Variants in CNTN6 observed in about 807,000 individuals in gnomAD.
The protein encoded by CNTN6 is contactin 6.
A neutral mutation model predicts 122.8 loss-of-function variants in CNTN6; 137 were observed. The observed-to-expected ratio is 1.12, with a 90% CI of 0.97 to 1.29. The LOEUF is 1.29. Ranked by LOEUF, CNTN6 falls within the 50% of genes most tolerant of loss-of-function variation. The pLI is 0.00. For missense variants in CNTN6, 1,634 were observed against 1,223.4 expected (o/e 1.34, Z -5.01); for synonymous variants, 570 against 426.0 (o/e 1.34, Z -4.16).
intron 2 of CNTN6, among the ~76,000 whole-genome samples, chr3:1,152,443 A>C (rs1328725628): frequency 6.6e-6 from 1 of 152,020 alleles, no homozygotes; most frequent in Admixed American, 6.6e-5. Context: ...CCGGTCCAGA[A>C]ATATTTTATT....
intron 5 of CNTN6, among the ~76,000 whole-genome samples, chr3:1,290,066 C>T (rs994940222): frequency 6.6e-6 from 1 of 152,190 alleles, no homozygotes; most frequent in Non-Finnish European, 1.5e-5. Context: ...TGCAGATTTC[C>T]TGGCTCCTCC....
At chr3:1,339,296 C>G (rs1472750787) in intron 11 of CNTN6, among the ~76,000 whole-genome samples, 1 of 152,098 alleles carries the variant, frequency 6.6e-6, no homozygotes, top group African/African-American at 2.4e-5. Flanking sequence ...CCCTAGCTCT[C>G]CAAGGAGCAT....
intron 4 of CNTN6, among the ~76,000 whole-genome samples, chr3:1,273,713 C>G (rs1363740870): frequency 6.6e-6 from 1 of 152,166 alleles, no homozygotes; most frequent in African/African-American, 2.4e-5. Flanking sequence ...GTTTTGATAG[C>G]TAACAGGACT....
intron 4 of CNTN6, among the ~76,000 whole-genome samples, chr3:1,269,956 G>T (rs555580111): frequency 2.8e-4 from 43 of 152,258 alleles, no homozygotes; most frequent in African/African-American, 1.0e-3. Flanking sequence ...GACACCAGGA[G>T]CTCTTAAAAT....
chr3:1,362,840 G>C (rs1707663834), intron 12 of CNTN6, among the ~76,000 whole-genome samples: 1 of 151,264 alleles, frequency 6.6e-6, no homozygotes, highest in Admixed American at 6.6e-5. Flanking sequence ...CAAATGCAAA[G>C]GAAAGCCTAG....
rs1174206319 is a variant in CNTN6, at chr3:1,132,944, A to G, written c.-82-14983A>G. Among the ~76,000 whole-genome samples, 3 of 152,178 alleles carry G rather than the reference A, an allele frequency of 2.0e-5. No individual in the cohort carries two copies. In the East Asian group the frequency reaches 5.8e-4, roughly 29 times the overall value. On this transcript the variant is annotated intron_variant, in intron 1 of 22. Coordinates refer to ENST00000446702, the MANE Select transcript of CNTN6 (RefSeq NM_001289080.2). ...ACTCAAAATTATTATTGCTTCTGAG[A>G]GGCTTTTTCTATAATATACCTGAAA...
chr3:1,323,919 G>T (rs1263992682), intron 8 of CNTN6, among the ~76,000 whole-genome samples: 1 of 139,640 alleles, frequency 7.2e-6, no homozygotes. Flanking sequence ...CGCAATTATT[G>T]CATTAAGCAT....
At position 1,227,929 on chromosome 3, in the gene CNTN6, C is replaced by G; in HGVS notation, c.294C>G (p.Tyr98Ter). 2 of 1,613,984 alleles carry G rather than the reference C, an allele frequency of 1.2e-6. No individual in the cohort carries two copies. Among genetic ancestry groups the G allele is most frequent in the East Asian group, 4.5e-5 (2 of 44,860 alleles). ...SPHTDQDIGM[Y>*]QCLATNLLGT... ...ACACAGATCAAGATATTGGCATGTA[C>G]CAGTGCCTGGCCACCAATCTTCTGG... Residue 98 changes from tyrosine (Y) to a stop codon, truncating the protein, a stop_gained, in exon 4 of 23, where the codon TAC (tyrosine) becomes TAG (stop). Transcript: ENST00000446702. LOFTEE classifies it high-confidence loss of function.
chr3:1,265,166 C>G (rs936960672), intron 4 of CNTN6, among the ~76,000 whole-genome samples: 2 of 150,878 alleles, frequency 1.3e-5, no homozygotes, highest in Non-Finnish European at 2.9e-5. Flanking sequence ...TTGCATTCAC[C>G]AGAATGCAGA....
intron 17 of CNTN6, among the ~76,000 whole-genome samples, chr3:1,381,190 A>G (rs1391475075): frequency 1.3e-5 from 2 of 152,214 alleles, no homozygotes; most frequent in African/African-American, 4.8e-5. Context: ...GAGATGAAAG[A>G]AACTTCAGAA....
chr3:1,275,727 A>G (rs759397389), intron 4 of CNTN6, among the ~76,000 whole-genome samples: 22 of 152,160 alleles, frequency 1.4e-4, no homozygotes, highest in Admixed American at 7.9e-4. Context: ...AGGAGTGTGC[A>G]ACTTGGATCC....
chr3:1,220,647 C>A (rs1285327576), intron 2 of CNTN6, 40 bp from the exon 3 acceptor site: 3 of 1,553,464 alleles, frequency 1.9e-6, no homozygotes, highest in African/African-American at 2.8e-5. Flanking sequence ...CAAAACAGGG[C>A]CACTTTTTTT....
At chr3:1,330,140 G>A (rs903936985) in intron 11 of CNTN6, among the ~76,000 whole-genome samples, 6 of 151,886 alleles carry the variant, frequency 4.0e-5, no homozygotes, top group African/African-American at 1.4e-4. Flanking sequence ...GTATAAGTTA[G>A]CTGCAATATT....
chr3:1,352,295 C>T, intron 11 of CNTN6, 29 bp from the exon 12 acceptor site: 1 of 1,477,706 alleles, frequency 6.8e-7, no homozygotes, highest in Non-Finnish European at 9.0e-7. Flanking sequence ...AAGAGCCTTA[C>T]TTCTATTAAT....
At chr3:1,144,685 T>G (rs116066241) in intron 1 of CNTN6, among the ~76,000 whole-genome samples, 2,311 of 139,004 alleles carry the variant, frequency 0.017, 64 homozygotes, top group African/African-American at 0.054. Context: ...CAAACAGGAC[T>G]AGGCAAAAAT....
chr3:1,136,491 G>A (rs1270470684), intron 1 of CNTN6, among the ~76,000 whole-genome samples: 1 of 152,178 alleles, frequency 6.6e-6, no homozygotes, highest in African/African-American at 2.4e-5. Context: ...TGGCCCTGGA[G>A]AGATACAGAA....
intron 7 of CNTN6, among the ~76,000 whole-genome samples, chr3:1,309,219 T>A (rs1698851324): frequency 6.6e-6 from 1 of 152,214 alleles, no homozygotes; most frequent in South Asian, 2.1e-4. Flanking sequence ...TATCCAAGGT[T>A]ACCTAGATAT....
chr3:1,376,322 A>G, intron 16 of CNTN6, among the ~76,000 whole-genome samples: 1 of 152,082 alleles, frequency 6.6e-6, no homozygotes, highest in East Asian at 1.9e-4. Flanking sequence ...GTTGAAGGGC[A>G]TAGTTTTTTA....
chr3:1,101,194 G>T (rs1207017391), intron 1 of CNTN6, among the ~76,000 whole-genome samples: 1 of 152,058 alleles, frequency 6.6e-6, no homozygotes, highest in Non-Finnish European at 1.5e-5. Flanking sequence ...TCTGGGTTCT[G>T]ATTGCCTTTT....
Sources: gnomAD v4.1 joint callset for allele counts (sites outside exome capture counted in the v4.1 genomes callset) on GRCh38, gnomAD v4.1.1 for gene constraint, MANE v1.5 for transcripts, NCBI Gene and HGNC (gene_info 2026-07-23, HGNC 2026-07-21) for gene names.